Variants in SEC24A observed in about 807,000 individuals in gnomAD.
SEC24A encodes SEC24 homolog A, COPII component, also known as protein transport protein Sec24A.
In SEC24A, 93 loss-of-function variants were observed where a neutral mutation model predicts 129.4. The ratio of observed to expected loss-of-function variants is 0.72; its 90% CI spans 0.61 to 0.85. The LOEUF (loss-of-function observed/expected upper bound fraction) is 0.85. Ranked by LOEUF, SEC24A falls within the 40% of genes least tolerant of loss-of-function variation. The probability of loss-of-function intolerance (pLI) is 0.00; values close to 1 mark genes in which losing one functional copy is unlikely to be tolerated. For synonymous variants in SEC24A, 460 were observed against 467.3 expected (o/e 0.98, Z 0.20); for missense variants, 1,264 against 1,307.4 (o/e 0.97, Z 0.51).
intron 4 of SEC24A, 148 bp from the exon 5 acceptor site, chr5:134,674,467 G>A: frequency 3.4e-6 from 2 of 596,972 alleles, no homozygotes; most frequent in South Asian, 6.2e-5. Context: ...AACCTAGGAG[G>A]TTAAGGCTGC....
intron 7 of SEC24A, among the ~76,000 whole-genome samples, chr5:134,679,163 G>T (rs1341570006): frequency 1.3e-5 from 2 of 152,020 alleles, no homozygotes; most frequent in Admixed American, 1.3e-4. Context: ...GCTCACTGCA[G>T]CCTTGACCTC....
chr5:134,680,252 G>A (rs1751219169), intron 8 of SEC24A, among the ~76,000 whole-genome samples: 1 of 152,218 alleles, frequency 6.6e-6, no homozygotes, highest in South Asian at 2.1e-4. Flanking sequence ...GGTTCTGTTA[G>A]TATTAGAGAA....
chr5:134,700,472 G>T (rs1464730188), intron 15 of SEC24A, among the ~76,000 whole-genome samples: 8 of 151,702 alleles, frequency 5.3e-5, no homozygotes, highest in Non-Finnish European at 1.2e-4. Flanking sequence ...CTACACCTCA[G>T]CCTCCCAAAG....
At chr5:134,691,499 C>T (rs1468096236) in intron 11 of SEC24A, among the ~76,000 whole-genome samples, 1 of 146,746 alleles carries the variant, frequency 6.8e-6, no homozygotes, top group Non-Finnish European at 1.5e-5. Context: ...TGGTGTGGGC[C>T]TTCTTTTTTT....
Sources: allele counts gnomAD v4.1 joint callset (sites outside exome capture counted in the v4.1 genomes callset), GRCh38; gene constraint gnomAD v4.1.1; transcripts MANE v1.5; gene names NCBI Gene and HGNC (gene_info 2026-07-23, HGNC 2026-07-21).